MGRN1: variants seen among roughly 807,000 people sequenced by gnomAD.
MGRN1 encodes the protein E3 ubiquitin-protein ligase MGRN1.
A neutral mutation model predicts 69.2 loss-of-function variants in MGRN1; 29 were observed. That is an observed-to-expected ratio of 0.42 (90% confidence interval 0.31 to 0.57). The LOEUF is 0.57. MGRN1 is among the 20% of genes least tolerant of loss of function. MGRN1 has a pLI of 0.15. For synonymous variants in MGRN1, 470 were observed against 344.2 expected, an observed-to-expected ratio of 1.37 and a Z score of -4.04; for missense variants, 998 against 796.2, an observed-to-expected ratio of 1.25 and a Z score of -3.05.
chr16:4,648,254 C>T (rs1302208793), intron 1 of MGRN1, among the ~76,000 whole-genome samples: 1 of 151,742 alleles, frequency 6.6e-6, no homozygotes, highest in Non-Finnish European at 1.5e-5. Context: ...CCGTGGTCAC[C>T]CGGCTCCTCC....
intron 12 of MGRN1, among the ~76,000 whole-genome samples, chr16:4,680,853 C>A (rs1000219895): frequency 1.3e-5 from 2 of 152,220 alleles, no homozygotes; most frequent in African/African-American, 4.8e-5. Context: ...TCTCACTTTC[C>A]CCTTCCTTCC....
chr16:4,686,012 T>C (rs2079306297), intron 16 of MGRN1, among the ~76,000 whole-genome samples: 1 of 152,132 alleles, frequency 6.6e-6, no homozygotes, highest in Admixed American at 6.5e-5. Context: ...CATGCGCCCT[T>C]CCCTAGGCTG....
At chr16:4,668,770 AC>A (rs1450022885) in intron 8 of MGRN1, among the ~76,000 whole-genome samples, 1 of 142,002 alleles carries the variant, frequency 7.0e-6, no homozygotes, top group Non-Finnish European at 1.5e-5. Flanking sequence ...ATTCACACAC[AC>A]ATAGACATTC....
chr16:4,649,657 C>T (rs144489856), intron 1 of MGRN1: 1 of 152,528 alleles, frequency 6.6e-6, no homozygotes, highest in East Asian at 1.9e-4. Flanking sequence ...TCTGCAAAGA[C>T]CCTAGATCCA....
At chr16:4,652,994 C>G (rs181974735) in intron 4 of MGRN1, among the ~76,000 whole-genome samples, 170 bp downstream of exon 4, 259 of 152,260 alleles carry the variant, frequency 1.7e-3, no homozygotes, top group African/African-American at 5.8e-3. Flanking sequence ...GGACTCCCCA[C>G]TTTTCTGCGG....
At chr16:4,644,997 AT>A (rs1328193622) in intron 1 of MGRN1, among the ~76,000 whole-genome samples, 4 of 152,202 alleles carry the variant, frequency 2.6e-5, no homozygotes, top group African/African-American at 7.2e-5. Flanking sequence ...ATATATGTTA[AT>A]TGTAGAAAAC....
intron 4 of MGRN1, among the ~76,000 whole-genome samples, chr16:4,655,410 C>T (rs992613016): frequency 6.6e-6 from 1 of 151,872 alleles, no homozygotes; most frequent in Non-Finnish European, 1.5e-5. Context: ...ATGCCACAGT[C>T]CCCCCCTCTC....
chr16:4,667,279 G>C (rs867702092), intron 7 of MGRN1, among the ~76,000 whole-genome samples: 3 of 152,192 alleles, frequency 2.0e-5, no homozygotes, highest in Admixed American at 6.5e-5. Flanking sequence ...CAGGGTCGGG[G>C]GTTCTGTTAG....
At chr16:4,680,431 C>G (rs1379239518) in intron 12 of MGRN1, 1 of 293,524 alleles carries the variant, frequency 3.4e-6, no homozygotes, top group African/African-American at 2.2e-5. Flanking sequence ...GTTTTGCAAT[C>G]GCGCCCCGCG....
chr16:4,646,579 G>A (rs1014398749), intron 1 of MGRN1, among the ~76,000 whole-genome samples: 3 of 152,150 alleles, frequency 2.0e-5, no homozygotes, highest in Non-Finnish European at 4.4e-5. Context: ...GGCTGCTTGG[G>A]TGTCCTCACA....
chr16:4,625,314 C>G (rs543197210), intron 1 of MGRN1, among the ~76,000 whole-genome samples: 35 of 152,332 alleles, frequency 2.3e-4, no homozygotes, highest in African/African-American at 7.5e-4. Context: ...ACCTCAGCTC[C>G]GTCCTTGCAA....
intron 16 of MGRN1, among the ~76,000 whole-genome samples, chr16:4,685,943 C>G (rs1255023814): frequency 6.6e-6 from 1 of 152,164 alleles, no homozygotes; most frequent in Non-Finnish European, 1.5e-5. Flanking sequence ...CTAGCCTCAG[C>G]CCCCCACCCA....
At chr16:4,684,659 C>T (rs941604936) in intron 16 of MGRN1, among the ~76,000 whole-genome samples, 6 of 152,260 alleles carry the variant, frequency 3.9e-5, no homozygotes, top group East Asian at 1.9e-4. Context: ...CAAGCACCTT[C>T]GTGCTCTGCT....
chr16:4,643,371 C>T (rs549608381), intron 1 of MGRN1, among the ~76,000 whole-genome samples: 1 of 151,076 alleles, frequency 6.6e-6, no homozygotes, highest in African/African-American at 2.4e-5. Context: ...GGTAGGATTA[C>T]AGGCGTGAGC....
intron 1 of MGRN1, among the ~76,000 whole-genome samples, 174 bp downstream of exon 1, chr16:4,625,222 C>T (rs895683259): frequency 1.3e-4 from 20 of 152,244 alleles, no homozygotes; most frequent in Non-Finnish European, 2.6e-4. Flanking sequence ...GGCTGGGGGC[C>T]CCGGAGGAAC....
In MGRN1 at chr16:4,677,522, G is replaced by T. The variant is rs539120656; in HGVS notation, c.1015G>T (p.Val339Leu). 3 of 1,597,460 alleles carry T rather than the reference G, an allele frequency of 1.9e-6. No homozygotes were observed. The highest frequency in any genetic ancestry group is 1.7e-6 in the Non-Finnish European group (2 of 1,178,042). Residue 339 changes from valine to leucine, a missense_variant, in exon 11 of 17, where the codon GTG becomes TTG. By Grantham distance (32) the Val-to-Leu change is conservative. Transcript: ENST00000262370. ...VRKKPGALSP[V>L]SFSPVLAQSL... ...GAAGAAGCCAGGAGCCCTGTCCCCCGTGTCCTTCAGCCCCGTCCTGGCCCA... is the reference window on the plus strand; with the variant it reads ...GAAGAAGCCAGGAGCCCTGTCCCCCTTGTCCTTCAGCCCCGTCCTGGCCCA...
rs56710066 is a variant in MGRN1, at chr16:4,651,826, T to C, written c.208-137T>C. 9,850 of 749,638 alleles carry C rather than the reference T, an allele frequency of 0.013. 659 individuals carry two copies. In the African/African-American group the frequency reaches 0.15, roughly 11 times the overall value. 46.4% of individuals were successfully genotyped at this position (749,638 alleles called of 1,614,324 possible). A position where few individuals can be genotyped will look rare whatever the true frequency, so the allele number is the denominator to read the frequency against. ...AGCTTCTACCTGTAAATGAGAACAG[T>C]GCACCCAGTATAGCCCCTCCCATGG... is the stretch of plus-strand genomic sequence containing the variant. On this transcript the variant is annotated intron_variant, in intron 2 of 16. Coordinates refer to ENST00000262370, the MANE Select transcript of MGRN1 (RefSeq NM_015246.4).
At chr16:4,640,173 A>G (rs1253068775) in intron 1 of MGRN1, 3 of 152,274 alleles carry the variant, frequency 2.0e-5, no homozygotes, top group Non-Finnish European at 4.4e-5. Context: ...ACAAGGTGCA[A>G]GAGACACAAG....
chr16:4,656,736 C>T (rs970856133), intron 4 of MGRN1, among the ~76,000 whole-genome samples: 1 of 151,936 alleles, frequency 6.6e-6, no homozygotes, highest in Non-Finnish European at 1.5e-5. Flanking sequence ...AAATATTAGC[C>T]TAGCATGGTG....
Sources: allele counts gnomAD v4.1 joint callset (sites outside exome capture counted in the v4.1 genomes callset), GRCh38; gene constraint gnomAD v4.1.1; transcripts MANE v1.5; gene names NCBI Gene and HGNC (gene_info 2026-07-23, HGNC 2026-07-21).